TRIM25: variants seen among roughly 807,000 people sequenced by gnomAD.
TRIM25 encodes tripartite motif containing 25, also known as E3 ubiquitin/ISG15 ligase TRIM25.
TRIM25 carries 45 observed loss-of-function variants against 65.2 expected under a neutral mutation model. That is an observed-to-expected ratio of 0.69 (90% CI 0.54 to 0.89). TRIM25 has a LOEUF of 0.89. Among genes scored for constraint, TRIM25 ranks in the 40% least tolerant of loss-of-function variants. The pLI, the probability that TRIM25 is intolerant of heterozygous loss-of-function variation, is 0.00. For missense variants in TRIM25, 714 were observed against 803.7 expected (o/e 0.89, Z 1.35); for synonymous variants, 321 against 340.4 (o/e 0.94, Z 0.63).
chr17:56,909,515 T>A (rs1909586245), intron 1 of TRIM25, among the ~76,000 whole-genome samples: 1 of 151,932 alleles, frequency 6.6e-6, no homozygotes, highest in Non-Finnish European at 1.5e-5. Flanking sequence ...CAAAACCCTG[T>A]CTCTACTAAA....
intron 2 of TRIM25, among the ~76,000 whole-genome samples, chr17:56,906,749 C>G (rs558779099): frequency 9.9e-5 from 15 of 152,224 alleles, no homozygotes; most frequent in Admixed American, 7.9e-4. Flanking sequence ...TGCGTCTCGG[C>G]CTCCCAAAGT....
intron 2 of TRIM25, among the ~76,000 whole-genome samples, chr17:56,905,292 A>C (rs1163892659): frequency 1.3e-5 from 2 of 152,206 alleles, no homozygotes; most frequent in Non-Finnish European, 2.9e-5. Flanking sequence ...TGAACCCAGG[A>C]GGCAGAGGTT....
chr17:56,901,664 C>A, intron 3 of TRIM25, 86 bp from the exon 4 acceptor site: 1 of 1,551,886 alleles, frequency 6.4e-7, no homozygotes, highest in South Asian at 1.2e-5. Context: ...GAGGCTCTCC[C>A]CTATGCCCAA....
At chr17:56,893,456 C>G (rs1909224560) in intron 8 of TRIM25, among the ~76,000 whole-genome samples, 1 of 152,182 alleles carries the variant, frequency 6.6e-6, no homozygotes, top group Non-Finnish European at 1.5e-5. Flanking sequence ...CTGGGCCTCT[C>G]TTGGGGGGCA....
chr17:56,901,458 G>C lies in TRIM25; in HGVS notation c.1048C>G (p.Gln350Glu), dbSNP rs746362955. The change falls in exon 4 of 9, where the codon CAG (glutamine) becomes GAG (glutamate). Residue 350 changes from glutamine (Q) to glutamate (E), a missense_variant. By Grantham distance (29) the Gln-to-Glu change is conservative. This residue lies in a region of TRIM25 where 413 missense variants were observed against 498.2 expected (regional missense o/e 0.83). Transcript: ENST00000316881. Reference protein sequence around the residue: ...STIDLKNELKQCIGRLQEPTP... With the variant: ...STIDLKNELKECIGRLQEPTP... ...GGCTCCTGGAGCCGCCCGATGCACT[G>C]CTTCAGCTCGTTTTTGAGGTCTATG... The C allele has an allele frequency of 1.9e-6, 3 of 1,614,032 alleles. No homozygotes were observed. The highest frequency in any genetic ancestry group is 2.2e-5 in the South Asian group (2 of 91,088).
At position 56,898,128 on chromosome 17, in the gene TRIM25, G is replaced by A. The variant is rs188204439; in HGVS notation, c.1153+987C>T. Among the ~76,000 whole-genome samples, 610 of 152,284 alleles carry A rather than the reference G, an allele frequency of 4.0e-3. 3 individuals are homozygous for A. Among genetic ancestry groups the A allele is most frequent in the Admixed American group, 6.5e-3 (99 of 15,294 alleles). ...TTCAGTGGTATATGGACATGTCAGT[G>A]GTATATGAACATGTCAGCGGTATAT... On this transcript the variant is annotated intron_variant, in intron 5 of 8. Coordinates refer to ENST00000316881, the MANE Select transcript of TRIM25 (RefSeq NM_005082.5).
Position 56,903,219 on chromosome 17 carries a change from G to A in TRIM25, c.927+1036C>T, listed in dbSNP as rs145806592. Among the ~76,000 whole-genome samples, 665 of 152,242 alleles carry A rather than the reference G, an allele frequency of 4.4e-3. 8 individuals are homozygous for A. Among genetic ancestry groups the A allele is most frequent in the African/African-American group, 0.015 (623 of 41,542 alleles). On this transcript the variant is annotated intron_variant, in intron 3 of 8. Coordinates refer to ENST00000316881, the MANE Select transcript of TRIM25 (RefSeq NM_005082.5). The stretch of plus-strand genomic sequence containing the variant: ...AGTTCGAGACCAGCCTGGCCAACAT[G>A]GTGAAATCTCGTCTCTACTAAAAAT...
Position 56,891,840 on chromosome 17 carries a change from G to A in TRIM25, c.1753C>T (p.His585Tyr). ...TRVGVLLNCD[H>Y]GFVIFFAVAD... ...ACAGCGAAGAAGATGACAAAGCCGT[G>A]GTCACAGTTGAGAAGCACGCCCACC... The change falls in exon 9 of 9, where the codon CAC becomes TAC. Residue 585 changes from histidine to tyrosine, a missense_variant. His to Tyr is a moderately conservative substitution (Grantham distance 83). Around this residue, in one of 3 missense-constraint regions of TRIM25, gnomAD observed 413 missense variants for 498.2 expected, o/e 0.83. Transcript: ENST00000316881. 1 of 1,614,210 alleles carries A rather than the reference G, an allele frequency of 6.2e-7. No individual in the cohort carries two copies. The highest frequency in any genetic ancestry group is 8.5e-7 in the Non-Finnish European group (1 of 1,180,022).
In TRIM25 at chr17:56,888,665, C is replaced by T. The variant is rs924682837; in HGVS notation, c.*3035G>A. ...CTTTCCCCTAGCCCCCACAGTTAGA[C>T]TGTCCCGCAGCAAAGCCCAGACAGA... On this transcript the variant is annotated 3_prime_UTR_variant, in exon 9 of 9. Coordinates refer to ENST00000316881, the MANE Select transcript of TRIM25 (RefSeq NM_005082.5). 6.6e-6 allele frequency: 1 copy of T among 152,262 alleles called. No individual in the cohort carries two copies. The highest frequency in any genetic ancestry group is 6.5e-5 in the Admixed American group (1 of 15,280). The allele number at this position is 152,262 out of a possible 1,614,324, so 9.4% of individuals were successfully genotyped here.
intron 2 of TRIM25, among the ~76,000 whole-genome samples, chr17:56,907,580 T>C (rs945350874): frequency 4.6e-5 from 7 of 152,176 alleles, no homozygotes; most frequent in Non-Finnish European, 1.0e-4. Flanking sequence ...TTTAAACGTA[T>C]CGAAAATCTG....
rs1909145245 is a variant in TRIM25 at position 56,890,481 on chromosome 17, C to CAGT, written c.*1216_*1218dup. On this transcript the variant is annotated 3_prime_UTR_variant, in exon 9 of 9. Transcript: ENST00000316881. ...CCCAGGCTCTGACTCACGCAAGGGCCAGTGCTGGGTCTGCAGCCTGTGGCC... is the reference window on the plus strand; with the variant it reads ...CCCAGGCTCTGACTCACGCAAGGGCCAGTAGTGCTGGGTCTGCAGCCTGTGGCC... 3 of 412,174 alleles carry CAGT rather than the reference C, an allele frequency of 7.3e-6. No homozygotes were observed. The East Asian group carries it at 2.1e-4, about 29-fold the overall frequency. The allele number at this position is 412,174 out of a possible 1,614,324, so 25.5% of individuals were successfully genotyped here. A position where few individuals can be genotyped will look rare whatever the true frequency, so the allele number is the denominator to read the frequency against.
intron 3 of TRIM25, among the ~76,000 whole-genome samples, chr17:56,903,977 G>A (rs146936661): frequency 7.9e-5 from 12 of 152,194 alleles, no homozygotes; most frequent in African/African-American, 2.4e-4. Flanking sequence ...GCCATCCCTC[G>A]CAGACTGTAG....
intron 2 of TRIM25, among the ~76,000 whole-genome samples, chr17:56,906,426 CAT>C (rs1222150115): frequency 1.3e-5 from 2 of 152,018 alleles, no homozygotes; most frequent in African/African-American, 4.8e-5. Context: ...CAGAATCAAA[CAT>C]AACAAAGAGA....
Position 56,913,297 on chromosome 17 carries a change from A to T in TRIM25, c.597+95T>A. 1.7e-6 allele frequency: 2 copies of T among 1,209,160 alleles called. No individual in the cohort carries two copies. The highest frequency in any genetic ancestry group is 2.3e-6 in the Non-Finnish European group (2 of 880,464). The allele number at this position is 1,209,160 out of a possible 1,614,324, so 74.9% of individuals were successfully genotyped here. On this transcript the variant is annotated intron_variant, in intron 1 of 8. Coordinates refer to ENST00000316881, the MANE Select transcript of TRIM25 (RefSeq NM_005082.5). The surrounding 1 kb of genome is among the most constrained non-coding windows in gnomAD (Gnocchi z 6.1). ...GCCTCGAATTCAGGCCCATCTCCCC[A>T]GGGCGTCCAGAGTGTGGCAGAGAGG...
chr17:56,905,794 C>A (rs1265707202), intron 2 of TRIM25, among the ~76,000 whole-genome samples: 1 of 151,796 alleles, frequency 6.6e-6, no homozygotes, highest in Non-Finnish European at 1.5e-5. Context: ...TGTTTCTCTA[C>A]AAAAATAAAA....
chr17:56,897,630 A>C (rs1909319935), intron 5 of TRIM25, among the ~76,000 whole-genome samples: 1 of 151,856 alleles, frequency 6.6e-6, no homozygotes, highest in South Asian at 2.1e-4. Flanking sequence ...CTATTTCCCC[A>C]TTTCAGCCTA....
chr17:56,889,145 C>T lies in TRIM25; in HGVS notation c.*2555G>A, dbSNP rs1909115763. On this transcript the variant is annotated 3_prime_UTR_variant, in exon 9 of 9. Coordinates refer to ENST00000316881, the MANE Select transcript of TRIM25 (RefSeq NM_005082.5). The stretch of plus-strand genomic sequence containing the variant: ...TTGATCACAGATCAATTTCAGAGTA[C>T]TTAAAACAGGAATAATCAGCTACCA... 2 of 152,108 alleles carry T rather than the reference C, an allele frequency of 1.3e-5. No homozygotes were observed. The highest frequency in any genetic ancestry group is 1.9e-4 in the East Asian group (1 of 5,200). The allele number at this position is 152,108 out of a possible 1,614,324, so 9.4% of individuals were successfully genotyped here.
At position 56,895,526 on chromosome 17, in the gene TRIM25, A is replaced by G. The variant is rs1392733571; in HGVS notation, c.1259T>C (p.Leu420Ser). 2 of 1,610,382 alleles carry G rather than the reference A, an allele frequency of 1.2e-6. No individual in the cohort carries two copies. The highest frequency in any genetic ancestry group is 8.5e-7 in the Non-Finnish European group (1 of 1,177,426). The change falls in exon 7 of 9, where the codon TTG becomes TCG. Residue 420 changes from leucine (L) to serine (S), a missense_variant. Physicochemically the swap from Leu to Ser is moderately radical, Grantham distance 145. Around this residue, in one of 3 missense-constraint regions of TRIM25, gnomAD observed 413 missense variants for 498.2 expected, o/e 0.83. Coordinates refer to ENST00000316881, the MANE Select transcript of TRIM25 (RefSeq NM_005082.5). Reference sequence around the variant, plus strand: ...CCTTGCCCATGATAACTTACCCTCCAAGCCAGCTTGTTTTAAATCCACTAA... The same window carrying G: ...CCTTGCCCATGATAACTTACCCTCCGAGCCAGCTTGTTTTAAATCCACTAA... Reference protein sequence around the residue: ...EQLVDLKQAGLEAAAKATSSH... With the variant: ...EQLVDLKQAGSEAAAKATSSH...
chr17:56,892,390 C>CATCCATCTATCTGTCTATCCATGT (rs1567837604), intron 8 of TRIM25, among the ~76,000 whole-genome samples, 161 bp from the exon 9 acceptor site: 1 of 152,190 alleles, frequency 6.6e-6, no homozygotes, highest in Non-Finnish European at 1.5e-5. Flanking sequence ...TCTGTCTATT[C>CATCCATCTATCTGTCTATCCATGT]ATCCATCTAT....
Sources: gnomAD v4.1 joint callset for allele counts (sites outside exome capture counted in the v4.1 genomes callset) on GRCh38, gnomAD v4.1.1 for gene constraint, gnomAD v4.1.1 regional missense constraint, Gnocchi (gnomAD v3.1) non-coding constraint, MANE v1.5 for transcripts, NCBI Gene and HGNC (gene_info 2026-07-23, HGNC 2026-07-21) for gene names.